CDH12: variants seen among roughly 807,000 people sequenced by gnomAD.
CDH12 encodes cadherin 12.
A neutral mutation model predicts 74.1 loss-of-function variants in CDH12; 41 were observed. The observed-to-expected ratio is 0.55, with a 90% CI of 0.43 to 0.72. The LOEUF is 0.72. CDH12 is among the 30% of genes least tolerant of loss of function. CDH12 has a pLI of 0.00. For missense variants in CDH12, 945 were observed against 977.2 expected (o/e 0.97, Z 0.44); for synonymous variants, 399 against 355.0 (o/e 1.12, Z -1.39).
chr5:22,361,809 G>C (rs1740817678), intron 3 of CDH12, among the ~76,000 whole-genome samples: 2 of 152,100 alleles, frequency 1.3e-5, no homozygotes, highest in Admixed American at 1.3e-4. Flanking sequence ...CGACAAACTT[G>C]ACAAAAACAA....
chr5:22,626,449 A>C (rs752531395), intron 1 of CDH12, among the ~76,000 whole-genome samples: 60 of 152,174 alleles, frequency 3.9e-4, no homozygotes, highest in Non-Finnish European at 5.3e-4. Context: ...ACCAGATCCC[A>C]GTGATAGAGC....
intron 5 of CDH12, among the ~76,000 whole-genome samples, chr5:22,022,028 A>G (rs1451723204): frequency 6.6e-6 from 1 of 152,134 alleles, no homozygotes; most frequent in African/African-American, 2.4e-5. Flanking sequence ...GTAGAGACAG[A>G]GCCTCAGTAT....
chr5:21,831,376 G>T (rs1749012777), intron 8 of CDH12, among the ~76,000 whole-genome samples: 1 of 152,008 alleles, frequency 6.6e-6, no homozygotes, highest in Non-Finnish European at 1.5e-5. Flanking sequence ...TGTACAAATA[G>T]ACGGAACCTA....
chr5:21,919,172 T>C (rs1754240508), intron 6 of CDH12, among the ~76,000 whole-genome samples: 2 of 152,310 alleles, frequency 1.3e-5, no homozygotes, highest in Admixed American at 6.5e-5. Context: ...TCAAAGCTCA[T>C]TTAATTTCAA....
intron 6 of CDH12, among the ~76,000 whole-genome samples, chr5:21,942,986 G>A (rs1253971802): frequency 6.6e-6 from 1 of 152,084 alleles, no homozygotes; most frequent in Non-Finnish European, 1.5e-5. Flanking sequence ...ATTGGATCAT[G>A]GGCACAGTTT....
At chr5:22,491,727 T>G (rs200100619) in intron 2 of CDH12, among the ~76,000 whole-genome samples, 1 of 152,126 alleles carries the variant, frequency 6.6e-6, no homozygotes, top group Admixed American at 6.5e-5. Context: ...CCACTGGCTG[T>G]GGGCTGTGGG....
intron 1 of CDH12, among the ~76,000 whole-genome samples, chr5:22,815,539 G>A (rs1460949809): frequency 6.6e-6 from 1 of 152,060 alleles, no homozygotes; most frequent in Non-Finnish European, 1.5e-5. Context: ...GGAGGCTGAG[G>A]GGGGCGGATA....
intron 4 of CDH12, among the ~76,000 whole-genome samples, chr5:22,114,974 A>T (rs895591471): frequency 1.1e-4 from 16 of 152,224 alleles, no homozygotes; most frequent in African/African-American, 3.6e-4. Context: ...GCAACTGCAA[A>T]TCTCAGGAGA....
intron 3 of CDH12, among the ~76,000 whole-genome samples, chr5:22,346,447 A>C (rs1740118916): frequency 6.6e-6 from 1 of 152,218 alleles, no homozygotes; most frequent in Admixed American, 6.5e-5. Flanking sequence ...AAAACAAACA[A>C]ATCACATCAT....
Position 21,883,794 on chromosome 5 carries a change from G to A in CDH12, c.527-29004C>T, listed in dbSNP as rs1167862226. 3.8e-6 allele frequency: 6 copies of A among 1,583,176 alleles called. No homozygotes were observed. The South Asian group carries it at 5.5e-5, about 15-fold the overall frequency. The stretch of plus-strand genomic sequence containing the variant: ...GCTGGCAAAACTTTCAGATGGAGTA[G>A]TTGTGCTGAAGTTTGGTGGGACAAG... On this transcript the variant is annotated intron_variant, in intron 6 of 14. Coordinates refer to ENST00000382254, the MANE Select transcript of CDH12 (RefSeq NM_004061.5).
At chr5:22,486,446 ATTTTTTTTTTT>A (rs5866568) in intron 2 of CDH12, among the ~76,000 whole-genome samples, 8 of 131,436 alleles carry the variant, frequency 6.1e-5, no homozygotes, top group Admixed American at 3.3e-4. Context: ...GTAACTAGTA[ATTTTTTTTTTT>A]TTTTTTTTTT....
At chr5:21,822,935 G>A (rs1005254160) in intron 8 of CDH12, among the ~76,000 whole-genome samples, 17 of 151,870 alleles carry the variant, frequency 1.1e-4, no homozygotes, top group Non-Finnish European at 1.9e-4. Context: ...GCAGCTAAAC[G>A]CAATAGAAAA....
At chr5:21,961,116 G>A (rs940494196) in intron 6 of CDH12, among the ~76,000 whole-genome samples, 1 of 151,832 alleles carries the variant, frequency 6.6e-6, no homozygotes, top group African/African-American at 2.4e-5. Flanking sequence ...TTCATCTATT[G>A]TTTATTTTGA....
chr5:22,190,291 T>A lies in CDH12; in HGVS notation c.-187+22207A>T, dbSNP rs568859230. On this transcript the variant is annotated intron_variant, in intron 4 of 14. Transcript: ENST00000382254. ...ACACAATTTTCATTTTTCAAGTACA[T>A]TTTACAGTGATCTGTTGGATGATGA... Among the ~76,000 whole-genome samples the A allele has an allele frequency of 2.0e-5, 3 of 152,090 alleles. No individual in the cohort carries two copies. The South Asian group carries it at 6.2e-4, about 32-fold the overall frequency.
rs145981626 is a variant in CDH12 at position 22,428,331 on chromosome 5, T to C, written c.-427-22980A>G. On this transcript the variant is annotated intron_variant, in intron 2 of 14. Coordinates refer to ENST00000382254, the MANE Select transcript of CDH12 (RefSeq NM_004061.5). ...TCAATCTCCATTAAAAGTCTATATT[T>C]TATCCTTTCTTTTACATGGAGTATG... Among the ~76,000 whole-genome samples the C allele has an allele frequency of 3.9e-3, 594 of 152,212 alleles. 7 individuals carry two copies. Among genetic ancestry groups the C allele is most frequent in the African/African-American group, 0.014 (565 of 41,524 alleles).
At chr5:22,096,164 C>T (rs898693883) in intron 4 of CDH12, among the ~76,000 whole-genome samples, 1 of 152,132 alleles carries the variant, frequency 6.6e-6, no homozygotes, top group Non-Finnish European at 1.5e-5. Flanking sequence ...TCACACCTGA[C>T]CTAAAACCTA....
chr5:22,333,320 T>A (rs920983577), intron 3 of CDH12, among the ~76,000 whole-genome samples: 1 of 150,632 alleles, frequency 6.6e-6, no homozygotes, highest in African/African-American at 2.4e-5. Context: ...TCTCGGGGGG[T>A]AGGGGGCAAT....
chr5:22,255,250 T>C (rs751178644), intron 3 of CDH12, among the ~76,000 whole-genome samples: 18 of 151,768 alleles, frequency 1.2e-4, no homozygotes, highest in South Asian at 1.0e-3. Flanking sequence ...CTTTAACCTC[T>C]GAAGTATTTG....
chr5:21,822,609 T>G (rs1748433708), intron 8 of CDH12, among the ~76,000 whole-genome samples: 1 of 152,054 alleles, frequency 6.6e-6, no homozygotes, highest in Non-Finnish European at 1.5e-5. Flanking sequence ...AAACATACAG[T>G]GAATGGAATC....
Sources: gnomAD v4.1 joint callset for allele counts (sites outside exome capture counted in the v4.1 genomes callset) on GRCh38, gnomAD v4.1.1 for gene constraint, MANE v1.5 for transcripts, NCBI Gene and HGNC (gene_info 2026-07-23, HGNC 2026-07-21) for gene names.